MYOM3: variants seen among roughly 807,000 people sequenced by gnomAD.
MYOM3 encodes myomesin 3.
Under a neutral mutation model 191.7 loss-of-function variants are expected in MYOM3, and 155 were observed. That is an observed-to-expected ratio of 0.81 (90% CI 0.71 to 0.92). MYOM3 has a LOEUF of 0.92. Ranked by LOEUF, MYOM3 falls within the 40% of genes least tolerant of loss-of-function variation. The pLI, the probability that MYOM3 is intolerant of heterozygous loss-of-function variation, is 0.00. For missense variants in MYOM3, 1,889 were observed against 1,890.6 expected (o/e 1.00, Z 0.02); for synonymous variants, 757 against 762.9 (o/e 0.99, Z 0.13).
In MYOM3 at chr1:24,063,643, G is replaced by T; in HGVS notation, c.3623-113C>A. 4 of 1,190,512 alleles carry T rather than the reference G, an allele frequency of 3.4e-6. No individual in the cohort carries two copies. The highest frequency in any genetic ancestry group is 1.3e-5 in the South Asian group (1 of 77,526). 73.7% of individuals were successfully genotyped at this position (1,190,512 alleles called of 1,614,324 possible). On this transcript the variant is annotated intron_variant, in intron 30 of 36. Coordinates refer to ENST00000374434, the MANE Select transcript of MYOM3 (RefSeq NM_152372.4). The surrounding 1 kb of genome is among the most constrained non-coding windows in gnomAD (Gnocchi z 4.5). ...GGAGCCCGTGAGCTGCTCTCAGGGG[G>T]ACAGGCAACTCTGTAGGATGACTCT...
intron 11 of MYOM3, 92 bp downstream of exon 11, chr1:24,092,081 GA>G (rs1643845789): frequency 8.0e-7 from 1 of 1,244,596 alleles, no homozygotes; most frequent in Admixed American, 3.0e-5. Flanking sequence ...AGGGTTCTCT[GA>G]GGTCAGACAT....
Position 24,063,636 on chromosome 1 carries a change from T to C in MYOM3, c.3623-106A>G. The C allele has an allele frequency of 7.5e-7, 1 of 1,327,594 alleles. No homozygotes were observed. The allele number at this position is 1,327,594 out of a possible 1,614,324, so 82.2% of individuals were successfully genotyped here. ...GGCTGGTGGAGCCCGTGAGCTGCTC[T>C]CAGGGGGACAGGCAACTCTGTAGGA... On this transcript the variant is annotated intron_variant, in intron 30 of 36. Coordinates refer to ENST00000374434, the MANE Select transcript of MYOM3 (RefSeq NM_152372.4). This position sits in a 1 kb window ranked among gnomAD's most constrained non-coding sequence, Gnocchi z 4.5.
chr1:24,062,001 C>A lies in MYOM3; in HGVS notation c.3879G>T (p.Leu1293=), dbSNP rs1020634367. ...GGACTTCCTTCCCTGCAGCTATTTC[C>A]AGAGTGTATTTGCCCTTGTCTGAGT... The part of the protein sequence containing the change: ...PKDSDKGKYT[L]EIAAGKEVRQ... Residue 1293 remains leucine, a synonymous_variant, in exon 33 of 37, where the codon CTG becomes CTT. Coordinates refer to ENST00000374434, the MANE Select transcript of MYOM3 (RefSeq NM_152372.4). The A allele has an allele frequency of 3.1e-6, 5 of 1,614,170 alleles. No homozygotes were observed. Among genetic ancestry groups the A allele is most frequent in the Non-Finnish European group, 4.2e-6 (5 of 1,180,032 alleles).
At chr1:24,110,132 A>G (rs1373064087) in intron 1 of MYOM3, among the ~76,000 whole-genome samples, 2 of 152,148 alleles carry the variant, frequency 1.3e-5, no homozygotes, top group Non-Finnish European at 2.9e-5. Context: ...CCCTGATGCT[A>G]AAGCTAAAAT....
intron 15 of MYOM3, among the ~76,000 whole-genome samples, chr1:24,085,931 A>C (rs932912097): frequency 2.0e-5 from 3 of 152,216 alleles, no homozygotes; most frequent in African/African-American, 4.8e-5. Context: ...GACCTTCAGC[A>C]AACCAGGCTT....
chr1:24,090,147 G>T (rs373877973), intron 12 of MYOM3, 29 bp from the exon 13 acceptor site: 5 of 1,576,930 alleles, frequency 3.2e-6, no homozygotes, highest in Non-Finnish European at 4.4e-6. Flanking sequence ...ATGGGAGGGT[G>T]GGGGGTGGCA....
chr1:24,089,110 C>T (rs923578705), intron 14 of MYOM3, among the ~76,000 whole-genome samples: 1 of 152,194 alleles, frequency 6.6e-6, no homozygotes, highest in African/African-American at 2.4e-5. Context: ...GCTAATCACA[C>T]CATAGGCTCT....
At chr1:24,105,157 C>G (rs1171145414) in intron 5 of MYOM3, among the ~76,000 whole-genome samples, 2 of 152,042 alleles carry the variant, frequency 1.3e-5, no homozygotes, top group African/African-American at 4.8e-5. Flanking sequence ...AAGGGCATCT[C>G]CTGCTTTCCC....
At chr1:24,067,133 C>T (rs765739812) in intron 27 of MYOM3, 45 bp from the exon 28 acceptor site, 18 of 1,547,564 alleles carry the variant, frequency 1.2e-5, no homozygotes, top group Non-Finnish European at 1.6e-5. Flanking sequence ...GAGCCAGGCT[C>T]AGCCAGGGTG....
At chr1:24,067,448 T>TTTCC (rs1234190573) in intron 27 of MYOM3, among the ~76,000 whole-genome samples, 1 of 125,794 alleles carries the variant, frequency 7.9e-6, no homozygotes, top group Non-Finnish European at 1.7e-5. Flanking sequence ...CCTTCCTTTG[T>TTTCC]TTCCTTCCTT....
intron 6 of MYOM3, among the ~76,000 whole-genome samples, 159 bp from the exon 7 acceptor site, chr1:24,098,170 T>G (rs1052536843): frequency 2.0e-5 from 3 of 152,202 alleles, no homozygotes; most frequent in African/African-American, 7.2e-5. Context: ...GTTTTCTGGT[T>G]GGCCACTGCA....
At position 24,095,452 on chromosome 1, in the gene MYOM3, C is replaced by G. The variant is rs1029031072; in HGVS notation, c.780G>C (p.Glu260Asp). 7 of 1,613,012 alleles carry G rather than the reference C, an allele frequency of 4.3e-6. No homozygotes were observed. The highest frequency in any genetic ancestry group is 5.1e-6 in the Non-Finnish European group (6 of 1,179,440). ...YLGKDAGFDSEIFKRSTFGPS... is the reference protein window; with the variant it reads ...YLGKDAGFDSDIFKRSTFGPS... ...CCCCAGCCGACTTACTTTTGAAGAT[C>G]TCTGAATCGAAGCCAGCATCCTTCC... Residue 260 changes from glutamate (E) to aspartate (D), a missense_variant, in exon 8 of 37, where the codon GAG becomes GAC. By Grantham distance (45) the Glu-to-Asp change is conservative. Transcript: ENST00000374434.
At position 24,074,168 on chromosome 1, in the gene MYOM3, G is replaced by A. The variant is rs373813223; in HGVS notation, c.2960C>T (p.Thr987Ile). Residue 987 changes from threonine to isoleucine, a missense_variant, in exon 23 of 37, where the codon ACC becomes ATC. Transcript: ENST00000374434. ...CGGGGTAGGTGCATTACCTTCCTCG[G>A]TTAGCGTGTGGCTTGCGGAGATGTC... ...DEDISASHTL[T>I]EEELEKLKKL... 5.6e-6 allele frequency: 9 copies of A among 1,613,294 alleles called. No individual in the cohort carries two copies. The highest frequency in any genetic ancestry group is 2.2e-5 in the East Asian group (1 of 44,882).
intron 14 of MYOM3, 36 bp downstream of exon 14, chr1:24,089,502 A>G: frequency 6.4e-7 from 1 of 1,565,894 alleles, no homozygotes; most frequent in Non-Finnish European, 8.6e-7. Flanking sequence ...TCTGTTTCTC[A>G]GGCTGGCCTG....
chr1:24,061,300 T>A lies in MYOM3; in HGVS notation c.3944A>T (p.Asp1315Val). The change falls in exon 34 of 37, where the codon GAT becomes GTT. Residue 1315 changes from aspartate to valine, a missense_variant. Physicochemically the swap from Asp to Val is radical, Grantham distance 152. Coordinates refer to ENST00000374434, the MANE Select transcript of MYOM3 (RefSeq NM_152372.4). ...STDLSGQAFE[D>V]AMAEHQRLKT... ...CAGTCTCTGGTGTTCAGCCATTGCA[T>A]CCTCAAAAGCTATAAGAAGGACAGA... The A allele has an allele frequency of 1.2e-6, 2 of 1,613,976 alleles. No homozygotes were observed. The highest frequency in any genetic ancestry group is 1.7e-6 in the Non-Finnish European group (2 of 1,179,960).
intron 30 of MYOM3, 69 bp downstream of exon 30, chr1:24,064,003 G>T: frequency 8.5e-7 from 1 of 1,171,382 alleles, no homozygotes; most frequent in Non-Finnish European, 1.3e-6. Context: ...AAATCTTACT[G>T]CACAGATCAC....
intron 7 of MYOM3, 93 bp from the exon 8 acceptor site, chr1:24,095,579 T>C: frequency 8.9e-7 from 1 of 1,117,648 alleles, no homozygotes; most frequent in Non-Finnish European, 1.3e-6. Context: ...TGAGTTTGAG[T>C]CCTGGTCTGT....
chr1:24,064,157 C>G lies in MYOM3; in HGVS notation c.3537G>C (p.Leu1179Phe), dbSNP rs1164948648. 1.9e-6 allele frequency: 3 copies of G among 1,613,048 alleles called. No individual in the cohort carries two copies. In the Admixed American group the frequency reaches 5.0e-5, roughly 27 times the overall value. ...TGTAAATTCCCTTGTCCTTTTTGGA[C>G]AACTGGAAAGAAGGATGAGCGATGG... ...TGTGLLCIEE[L>F]SKKDKGIYRA... The change falls in exon 30 of 37, where the codon TTG (leucine) becomes TTC (phenylalanine). Residue 1179 changes from leucine (L) to phenylalanine (F), a missense_variant and splice_region_variant. By Grantham distance (22) the Leu-to-Phe change is conservative. Transcript: ENST00000374434.
chr1:24,070,666 T>C (rs1373864633), intron 25 of MYOM3, among the ~76,000 whole-genome samples: 2 of 152,096 alleles, frequency 1.3e-5, no homozygotes, highest in African/African-American at 4.8e-5. Flanking sequence ...GGCCAGGAGT[T>C]CAAGACCAAC....
Sources: allele counts gnomAD v4.1 joint callset (sites outside exome capture counted in the v4.1 genomes callset), GRCh38; gene constraint gnomAD v4.1.1; non-coding constraint Gnocchi (gnomAD v3.1); transcripts MANE v1.5; gene names NCBI Gene and HGNC (gene_info 2026-07-23, HGNC 2026-07-21).